The following ILDR1 variants were observed in gnomAD, a reference collection of about 807,000 sequenced individuals.
ILDR1 encodes the protein immunoglobulin like domain containing receptor 1, also known as immunoglobulin-like domain-containing receptor 1.
ILDR1 carries 56 observed loss-of-function variants against 62.4 expected under a neutral mutation model. The ratio of observed to expected loss-of-function variants is 0.90; its 90% CI spans 0.72 to 1.12. The LOEUF (loss-of-function observed/expected upper bound fraction) is 1.12. Ranked by LOEUF, ILDR1 falls within the 50% of genes most tolerant of loss-of-function variation. ILDR1 has a pLI of 0.00. For synonymous variants in ILDR1, 284 were observed against 277.8 expected, an observed-to-expected ratio of 1.02 and a Z score of -0.22; for missense variants, 736 against 710.6, an observed-to-expected ratio of 1.04 and a Z score of -0.41.
intron 5 of ILDR1, among the ~76,000 whole-genome samples, chr3:121,996,747 T>C (rs1201975457): frequency 2.0e-5 from 3 of 152,198 alleles, no homozygotes; most frequent in Non-Finnish European, 4.4e-5. Context: ...CAAGAAAATT[T>C]GTATTTTCAA....
the ILDR1 span, among the ~76,000 whole-genome samples, chr3:122,042,763 T>C: frequency 6.6e-6 from 1 of 151,972 alleles, no homozygotes; most frequent in South Asian, 2.1e-4. Context: ...GATGGGGTTG[T>C]TTGTTTTTTT....
At chr3:122,010,615 T>TTTTG (rs1256062371) in intron 1 of ILDR1, among the ~76,000 whole-genome samples, 1 of 152,172 alleles carries the variant, frequency 6.6e-6, no homozygotes, top group Non-Finnish European at 1.5e-5. Context: ...GTTTTTTGTT[T>TTTTG]TTTGTTTGTT....
chr3:122,030,163 G>C, the ILDR1 span, among the ~76,000 whole-genome samples: 1 of 152,198 alleles, frequency 6.6e-6, no homozygotes, highest in Non-Finnish European at 1.5e-5. Context: ...GCCATGCACA[G>C]CCTAAGAATC....
At chr3:122,013,224 G>C (rs1171142465) in intron 1 of ILDR1, among the ~76,000 whole-genome samples, 2 of 152,050 alleles carry the variant, frequency 1.3e-5, no homozygotes, top group African/African-American at 4.8e-5. Context: ...TATTAGATTT[G>C]GCAAGAAGGA....
the ILDR1 span, chr3:122,055,397 C>T: frequency 1.5e-6 from 2 of 1,294,454 alleles, no homozygotes; most frequent in Non-Finnish European, 2.2e-6. Context: ...AGGGTGAAAG[C>T]TTTGCTTCTC....
chr3:122,026,117 TAAAG>T (rs1248509595), upstream of ILDR1, among the ~76,000 whole-genome samples: 1 of 152,098 alleles, frequency 6.6e-6, no homozygotes, highest in African/African-American at 2.4e-5. Context: ...CCAGAATAAA[TAAAG>T]AGTCTGTATG....
At chr3:122,030,135 G>A in the ILDR1 span, among the ~76,000 whole-genome samples, 8 of 152,160 alleles carry the variant, frequency 5.3e-5, no homozygotes, top group Non-Finnish European at 8.8e-5. Flanking sequence ...ATAAAACCAA[G>A]GAACTTTAAT....
In ILDR1 at chr3:121,994,298, C is replaced by T. The variant is rs1014385783; in HGVS notation, c.662G>A (p.Arg221His). 7.4e-5 allele frequency: 113 copies of T among 1,534,954 alleles called. No individual in the cohort carries two copies. Among genetic ancestry groups the T allele is most frequent in the African/African-American group, 2.1e-4 (15 of 73,010 alleles). Residue 221 changes from arginine (R) to histidine (H), a missense_variant, in exon 6 of 8, where the codon CGC becomes CAC. Coordinates refer to ENST00000344209, the MANE Select transcript of ILDR1 (RefSeq NM_001199799.2). ...CCPEEALARH[R>H]YMKQAQALGP... is the part of the protein sequence containing the mutation. ...TAGGGCCTGGGCCTGCTTCATGTAG[C>T]GGTGGCGGGCCAGGGCTGCAGGGAA...
At position 121,988,187 on chromosome 3, in the gene ILDR1, T is replaced by A; in HGVS notation, c.*180A>T. On this transcript the variant is annotated 3_prime_UTR_variant, in exon 8 of 8. Coordinates refer to ENST00000344209, the MANE Select transcript of ILDR1 (RefSeq NM_001199799.2). ...TCCCAAAGTGCTGTGATTACAGGTG[T>A]GAGCCACTATACCCAATCTCAAACT... 1 of 678,780 alleles carries A rather than the reference T, an allele frequency of 1.5e-6. No individual in the cohort carries two copies. Among genetic ancestry groups the A allele is most frequent in the Non-Finnish European group, 2.7e-6 (1 of 367,822 alleles). The allele number at this position is 678,780 out of a possible 1,614,324, so 42.0% of individuals were successfully genotyped here. A position where few individuals can be genotyped will look rare whatever the true frequency, so the allele number is the denominator to read the frequency against.
the ILDR1 span, among the ~76,000 whole-genome samples, chr3:122,035,838 G>A: frequency 6.6e-6 from 1 of 152,230 alleles, no homozygotes; most frequent in African/African-American, 2.4e-5. Context: ...TTGGTACCAG[G>A]AAAGTGGGGG....
chr3:122,014,491 C>T (rs908026016), intron 1 of ILDR1, among the ~76,000 whole-genome samples: 9 of 152,124 alleles, frequency 5.9e-5, no homozygotes, highest in Admixed American at 5.2e-4. Flanking sequence ...TTTATTTACA[C>T]ATTTTCCAAA....
chr3:122,002,150 T>G (rs1275837277), intron 3 of ILDR1, among the ~76,000 whole-genome samples: 1 of 152,116 alleles, frequency 6.6e-6, no homozygotes, highest in African/African-American at 2.4e-5. Context: ...AAAAAAAAGT[T>G]AAAAATAAAA....
intron 1 of ILDR1, among the ~76,000 whole-genome samples, chr3:122,020,538 C>CA (rs1377138408): frequency 6.6e-6 from 1 of 152,136 alleles, no homozygotes. Flanking sequence ...CTTAGGATTA[C>CA]AAAGTCTTAA....
upstream of ILDR1, among the ~76,000 whole-genome samples, chr3:122,024,773 G>C (rs1034116170): frequency 6.6e-6 from 1 of 152,244 alleles, no homozygotes; most frequent in African/African-American, 2.4e-5. Context: ...GTAAATGGCA[G>C]AATAATGAGC....
chr3:122,048,027 T>A, the ILDR1 span, among the ~76,000 whole-genome samples: 121 of 152,356 alleles, frequency 7.9e-4, no homozygotes, highest in African/African-American at 2.6e-3. Context: ...CTTACCTTGT[T>A]CCTCATCAAG....
At chr3:122,023,079 T>C (rs2071888507), upstream of ILDR1, among the ~76,000 whole-genome samples, 1 of 151,008 alleles carries the variant, frequency 6.6e-6, no homozygotes, top group African/African-American at 2.4e-5. Context: ...TGCTGCAGCT[T>C]TCCATAGCTA....
the ILDR1 span, among the ~76,000 whole-genome samples, chr3:122,032,877 G>A: frequency 6.6e-6 from 1 of 152,154 alleles, no homozygotes; most frequent in Non-Finnish European, 1.5e-5. Flanking sequence ...TCCAGTCTTC[G>A]GAAGAAATGC....
At chr3:122,039,479 G>C in the ILDR1 span, among the ~76,000 whole-genome samples, 1 of 151,960 alleles carries the variant, frequency 6.6e-6, no homozygotes, top group Non-Finnish European at 1.5e-5. Flanking sequence ...GACAGTAAAG[G>C]GATATATTTA....
At chr3:121,992,097 G>A (rs1297943895) in intron 7 of ILDR1, among the ~76,000 whole-genome samples, 1 of 152,192 alleles carries the variant, frequency 6.6e-6, no homozygotes, top group Non-Finnish European at 1.5e-5. Context: ...TCTTTGCAAA[G>A]TGGCAACATT....
Sources: gnomAD v4.1 joint callset for allele counts (sites outside exome capture counted in the v4.1 genomes callset) on GRCh38, gnomAD v4.1.1 for gene constraint, MANE v1.5 for transcripts, NCBI Gene and HGNC (gene_info 2026-07-23, HGNC 2026-07-21) for gene names.